The following CHRNB3 variants were observed in gnomAD, a reference collection of about 807,000 sequenced individuals.
CHRNB3 encodes the protein neuronal acetylcholine receptor subunit beta-3.
A neutral mutation model predicts 40.6 loss-of-function variants in CHRNB3; 37 were observed. The ratio of observed to expected loss-of-function variants is 0.91; its 90% CI spans 0.70 to 1.20. The LOEUF is 1.20. CHRNB3 is among the 50% of genes most tolerant of loss of function. The pLI, the probability that CHRNB3 is intolerant of heterozygous loss-of-function variation, is 0.00. For missense variants in CHRNB3, 505 were observed against 551.2 expected (o/e 0.92, Z 0.84); for synonymous variants, 207 against 207.1 (o/e 1.00, Z 0.00).
chr8:42,703,793 G>A (rs1445337335), intron 1 of CHRNB3, among the ~76,000 whole-genome samples: 13 of 152,026 alleles, frequency 8.6e-5, no homozygotes, highest in Non-Finnish European at 2.9e-5. Context: ...TATTTATGGA[G>A]GCCCTGGTCT....
At chr8:42,725,931 A>T (rs1816301105) in intron 3 of CHRNB3, 1 of 906,810 alleles carries the variant, frequency 1.1e-6, no homozygotes, top group Non-Finnish European at 1.8e-6. Context: ...GCACCAGTAA[A>T]CTCACGCCAT....
In CHRNB3 at chr8:42,697,521, ACTGT is replaced by A. The variant is rs1309149428; in HGVS notation, c.-23_-20del. The A allele has an allele frequency of 2.5e-6, 4 of 1,605,706 alleles. No homozygotes were observed. The highest frequency in any genetic ancestry group is 3.4e-6 in the Non-Finnish European group (4 of 1,172,582). On this transcript the variant is annotated 5_prime_UTR_variant, in exon 1 of 6. Transcript: ENST00000289957. ...ATGCTCTGTTGTTAAAAAGGAAGAA[ACTGT>A]CTTTCTGAAACTGACATCACGATGC...
At chr8:42,713,527 G>T (rs1264306618) in intron 3 of CHRNB3, among the ~76,000 whole-genome samples, 2 of 152,064 alleles carry the variant, frequency 1.3e-5, no homozygotes, top group African/African-American at 4.8e-5. Flanking sequence ...GAGAATAATC[G>T]ACTTTTTTGG....
Position 42,732,241 on chromosome 8 carries a change from AT to A in CHRNB3, c.936del (p.Ile312MetfsTer38). 6.2e-7 allele frequency: 1 copy of A among 1,611,856 alleles called. No individual in the cohort carries two copies. Among genetic ancestry groups the A allele is most frequent in the Non-Finnish European group, 8.5e-7 (1 of 1,179,338 alleles). On this transcript the variant is annotated frameshift_variant, in exon 5 of 6. Transcript: ENST00000289957. LOFTEE classifies it high-confidence loss of function. ...FIMIFVTLSI[I>X]VTVFVINVHH... is the part of the protein sequence containing the mutation. The stretch of plus-strand genomic sequence containing the variant: ...CATGATTTTTGTGACCCTGTCCATC[AT>A]TGTTACCGTGTTTGTCATTAACGTT...
At chr8:42,700,384 C>A (rs1815769746) in intron 1 of CHRNB3, among the ~76,000 whole-genome samples, 1 of 151,974 alleles carries the variant, frequency 6.6e-6, no homozygotes, top group Admixed American at 6.6e-5. Flanking sequence ...AGTGCAGTGG[C>A]AATCTTGGCT....
At chr8:42,719,032 G>T (rs1353244237) in intron 3 of CHRNB3, among the ~76,000 whole-genome samples, 2 of 152,082 alleles carry the variant, frequency 1.3e-5, no homozygotes, top group African/African-American at 2.4e-5. Context: ...ATGTGGAGCT[G>T]GTGTTTGACG....
intron 2 of CHRNB3, among the ~76,000 whole-genome samples, chr8:42,709,454 C>T (rs1815975259): frequency 6.6e-6 from 1 of 152,160 alleles, no homozygotes; most frequent in South Asian, 2.1e-4. Flanking sequence ...AATTGTCCTT[C>T]TATGATCCCC....
chr8:42,719,319 C>T (rs1340584047), intron 3 of CHRNB3, among the ~76,000 whole-genome samples: 1 of 152,196 alleles, frequency 6.6e-6, no homozygotes, highest in Non-Finnish European at 1.5e-5. Context: ...CTACAGGGCA[C>T]AGCCAGCTCT....
At chr8:42,725,213 C>T (rs1586406118) in intron 3 of CHRNB3, among the ~76,000 whole-genome samples, 1 of 151,262 alleles carries the variant, frequency 6.6e-6, no homozygotes, top group Non-Finnish European at 1.5e-5. Flanking sequence ...CCTCAGCCTC[C>T]CTAGTAGCTG....
In CHRNB3 at chr8:42,707,988, C is replaced by T. The variant is rs900462974; in HGVS notation, c.53-729C>T. 3.9e-5 allele frequency among the ~76,000 whole-genome samples: 6 copies of T among 152,168 alleles called. No homozygotes were observed. The South Asian group carries it at 6.2e-4, about 16-fold the overall frequency. On this transcript the variant is annotated intron_variant, in intron 1 of 5. Coordinates refer to ENST00000289957, the MANE Select transcript of CHRNB3 (RefSeq NM_000749.5). ...GGTGTGACAAATGACAAGAGACTTC[C>T]AAAGGGAGATGCTGGAGGCTCAGGG...
chr8:42,728,630 A>G (rs1238924580), intron 3 of CHRNB3, among the ~76,000 whole-genome samples: 1 of 152,204 alleles, frequency 6.6e-6, no homozygotes, highest in East Asian at 1.9e-4. Context: ...TTCCATTTAC[A>G]TGACATTCTA....
intron 1 of CHRNB3, among the ~76,000 whole-genome samples, chr8:42,698,218 A>G (rs1211357408): frequency 6.6e-6 from 1 of 152,226 alleles, no homozygotes; most frequent in Non-Finnish European, 1.5e-5. Flanking sequence ...AGATGCAGAG[A>G]AAGAACAAAA....
At chr8:42,726,723 C>T (rs1395670868) in intron 3 of CHRNB3, among the ~76,000 whole-genome samples, 1 of 152,134 alleles carries the variant, frequency 6.6e-6, no homozygotes, top group Non-Finnish European at 1.5e-5. Flanking sequence ...CTCCTGACTT[C>T]AGGTGATCCA....
intron 1 of CHRNB3, 83 bp downstream of exon 1, chr8:42,697,681 T>C: frequency 9.8e-7 from 1 of 1,021,664 alleles, no homozygotes; most frequent in South Asian, 1.3e-5. Flanking sequence ...TTGATAATGT[T>C]AGAATTACAA....
intron 3 of CHRNB3, among the ~76,000 whole-genome samples, chr8:42,728,762 A>G (rs1355778646): frequency 7.2e-5 from 11 of 152,154 alleles, no homozygotes; most frequent in Admixed American, 7.2e-4. Flanking sequence ...CTGTTTTGGC[A>G]TCTTAATGCC....
chr8:42,716,112 A>G (rs1816096963), intron 3 of CHRNB3, among the ~76,000 whole-genome samples: 1 of 149,908 alleles, frequency 6.7e-6, no homozygotes, highest in African/African-American at 2.5e-5. Flanking sequence ...AGTAGCTGGG[A>G]TTAAAGGCGC....
At chr8:42,726,816 T>A (rs1816319577) in intron 3 of CHRNB3, among the ~76,000 whole-genome samples, 1 of 152,162 alleles carries the variant, frequency 6.6e-6, no homozygotes, top group African/African-American at 2.4e-5. Context: ...TAACTAAATA[T>A]GTGCAATGCC....
In CHRNB3 at chr8:42,732,041, T is replaced by C. The variant is rs1172184865; in HGVS notation, c.734T>C (p.Leu245Pro). ...FYTLFLIIPC[L>P]GLSFLTVLVF... ...ACCCTCTTTCTCATCATCCCCTGCCTGGGGCTGTCTTTCCTAACAGTTCTT... is the reference window on the plus strand; with the variant it reads ...ACCCTCTTTCTCATCATCCCCTGCCCGGGGCTGTCTTTCCTAACAGTTCTT... The change falls in exon 5 of 6, where the codon CTG becomes CCG. Residue 245 changes from leucine to proline, a missense_variant. Leu to Pro is a moderately conservative substitution (Grantham distance 98). Transcript: ENST00000289957. 17 of 1,614,136 alleles carry C rather than the reference T, an allele frequency of 1.1e-5. No homozygotes were observed. Among genetic ancestry groups the C allele is most frequent in the Non-Finnish European group, 1.4e-5 (17 of 1,180,032 alleles).
chr8:42,700,165 C>G (rs1286708720), intron 1 of CHRNB3, among the ~76,000 whole-genome samples: 1 of 151,962 alleles, frequency 6.6e-6, no homozygotes, highest in African/African-American at 2.4e-5. Context: ...AGGTGCCCAC[C>G]ACCACGCCCA....
Sources: gnomAD v4.1 joint callset for allele counts (sites outside exome capture counted in the v4.1 genomes callset) on GRCh38, gnomAD v4.1.1 for gene constraint, MANE v1.5 for transcripts, NCBI Gene and HGNC (gene_info 2026-07-23, HGNC 2026-07-21) for gene names.